Variants in CFAP91 observed in about 807,000 individuals in gnomAD.
The protein encoded by CFAP91 is cilia and flagella associated protein 91, also known as cilia- and flagella-associated protein 91.
In CFAP91, 85 loss-of-function variants were observed where a neutral mutation model predicts 95.9. That is an observed-to-expected ratio of 0.89 (90% CI 0.74 to 1.06). CFAP91 has a LOEUF of 1.06. CFAP91 is among the 50% of genes least tolerant of loss of function. The pLI, the probability that CFAP91 is intolerant of heterozygous loss-of-function variation, is 0.00. For synonymous variants in CFAP91, 335 were observed against 327.5 expected, an observed-to-expected ratio of 1.02 and a Z score of -0.25; for missense variants, 962 against 943.4, an observed-to-expected ratio of 1.02 and a Z score of -0.26.
At chr3:119,724,317 G>A (rs2107876259) in intron 6 of CFAP91, among the ~76,000 whole-genome samples, 1 of 152,228 alleles carries the variant, frequency 6.6e-6, no homozygotes, top group Non-Finnish European at 1.5e-5. Flanking sequence ...TTTACTTGGG[G>A]AAATGGGAGA....
chr3:119,720,661 T>G (rs945105075), intron 6 of CFAP91, among the ~76,000 whole-genome samples: 8 of 152,204 alleles, frequency 5.3e-5, no homozygotes, highest in African/African-American at 1.9e-4. Flanking sequence ...AATTTATTCA[T>G]TTTATGAGAC....
At chr3:119,743,297 T>C (rs1363211039) in intron 13 of CFAP91, among the ~76,000 whole-genome samples, 4 of 152,090 alleles carry the variant, frequency 2.6e-5, no homozygotes, top group African/African-American at 9.7e-5. Context: ...TTTGTATTTT[T>C]AGTAAAGACG....
In CFAP91 at chr3:119,740,634, A is replaced by G; in HGVS notation, c.1619A>G (p.Lys540Arg). 3 of 1,614,258 alleles carry G rather than the reference A, an allele frequency of 1.9e-6. No individual in the cohort carries two copies. The highest frequency in any genetic ancestry group is 2.5e-6 in the Non-Finnish European group (3 of 1,180,044). ...HALQEDEKLV[K>R]KAEKQVTLAL... ...CTACAAGAAGATGAAAAGCTGGTGA[A>G]AAAAGCCGAGAAGCAAGTGACCCTG... The change falls in exon 13 of 18, where the codon AAA becomes AGA. Residue 540 changes from lysine (K) to arginine (R), a missense_variant. Transcript: ENST00000273390.
At chr3:119,763,416 C>T (rs928856614) in intron 17 of CFAP91, among the ~76,000 whole-genome samples, 5 of 151,746 alleles carry the variant, frequency 3.3e-5, no homozygotes, top group South Asian at 4.1e-4. Flanking sequence ...TGGAGGTCCT[C>T]AAAAAATAAA....
At chr3:119,716,880 G>T (rs1031375070) in intron 6 of CFAP91, among the ~76,000 whole-genome samples, 1 of 152,072 alleles carries the variant, frequency 6.6e-6, no homozygotes, top group Non-Finnish European at 1.5e-5. Flanking sequence ...TTGAGCTACC[G>T]CACCTGGCCC....
intron 14 of CFAP91, among the ~76,000 whole-genome samples, chr3:119,746,383 T>C (rs1295214190): frequency 6.6e-6 from 1 of 152,238 alleles, no homozygotes; most frequent in African/African-American, 2.4e-5. Flanking sequence ...TTTCATGATT[T>C]CAAGTAAACT....
intron 17 of CFAP91, among the ~76,000 whole-genome samples, chr3:119,759,708 G>T (rs2054499286): frequency 6.6e-6 from 1 of 151,920 alleles, no homozygotes; most frequent in Non-Finnish European, 1.5e-5. Flanking sequence ...AGCATAAAAA[G>T]ATGTAAATTA....
intron 10 of CFAP91, 57 bp downstream of exon 10, chr3:119,733,563 C>A: frequency 6.4e-7 from 1 of 1,562,774 alleles, no homozygotes; most frequent in Non-Finnish European, 8.7e-7. Context: ...CAGATAAATG[C>A]TACACTCCAA....
intron 17 of CFAP91, among the ~76,000 whole-genome samples, chr3:119,754,198 C>A (rs1374521078): frequency 6.6e-6 from 1 of 152,142 alleles, no homozygotes; most frequent in African/African-American, 2.4e-5. Flanking sequence ...AAAGGTGACC[C>A]TTATTATAAA....
intron 11 of CFAP91, among the ~76,000 whole-genome samples, chr3:119,738,330 G>GTTTTTTTTTTTTT (rs1559761130): frequency 3.8e-4 from 9 of 23,702 alleles, no homozygotes; most frequent in Non-Finnish European, 9.7e-4. Flanking sequence ...TTGACATATT[G>GTTTTTTTTTTTTT]TCTTTTTTTT....
chr3:119,712,682 C>T (rs757173479), intron 5 of CFAP91, among the ~76,000 whole-genome samples: 26 of 152,238 alleles, frequency 1.7e-4, no homozygotes, highest in South Asian at 2.1e-4. Context: ...AGCCCGTGTG[C>T]GGTGGCTCAG....
chr3:119,739,695 A>G (rs1208298301), intron 12 of CFAP91, among the ~76,000 whole-genome samples: 1 of 152,218 alleles, frequency 6.6e-6, no homozygotes, highest in African/African-American at 2.4e-5. Flanking sequence ...CCACAGTCAT[A>G]ATACAATTAT....
Position 119,753,797 on chromosome 3 carries a change from T to C in CFAP91, c.*1+2699T>C, listed in dbSNP as rs377297841. Among the ~76,000 whole-genome samples the C allele has an allele frequency of 1.8e-4, 28 of 152,316 alleles. No homozygotes were observed. The East Asian group carries it at 1.9e-3, about 10-fold the overall frequency. On this transcript the variant is annotated intron_variant, in intron 17 of 17. Coordinates refer to ENST00000273390, the MANE Select transcript of CFAP91 (RefSeq NM_033364.4). ...ACACTGCACCATATTTATAGTCTTT[T>C]ATCCCTCATCCCCTTCCCACTCTTC...
intron 14 of CFAP91, 27 bp downstream of exon 14, chr3:119,744,223 A>ACCC: frequency 1.3e-6 from 2 of 1,568,862 alleles, no homozygotes; most frequent in African/African-American, 2.7e-5. Context: ...GGGTGTGTGG[A>ACCC]AGCTGCCTAG....
At chr3:119,763,644 T>C (rs1004784208) in intron 17 of CFAP91, among the ~76,000 whole-genome samples, 1 of 151,532 alleles carries the variant, frequency 6.6e-6, no homozygotes, top group African/African-American at 2.4e-5. Context: ...GGAAATCCTG[T>C]CATTTGCAGC....
chr3:119,730,188 A>G (rs759220288), intron 7 of CFAP91, 32 bp from the exon 8 acceptor site: 40 of 1,603,826 alleles, frequency 2.5e-5, no homozygotes, highest in Admixed American at 3.4e-5. Flanking sequence ...GAGATGCCAT[A>G]TGCTTCTTTA....
At position 119,708,634 on chromosome 3, in the gene CFAP91, C is replaced by T. The variant is rs535894482; in HGVS notation, c.403C>T (p.Pro135Ser). 2 of 1,605,978 alleles carry T rather than the reference C, an allele frequency of 1.2e-6. No individual in the cohort carries two copies. Among genetic ancestry groups the T allele is most frequent in the South Asian group, 2.2e-5 (2 of 89,328 alleles). The change falls in exon 4 of 18, where the codon CCT becomes TCT. Residue 135 changes from proline (P) to serine (S), a missense_variant. By Grantham distance (74) the Pro-to-Ser change is moderately conservative. Transcript: ENST00000273390. ...GATGCCTAAAGAAGTTTATGAAGAT[C>T]CTGAAGTTACTGGAAAGAATCGCTA... ...FQMPKEVYED[P>S]EVTGKNRYKY...
At position 119,708,746 on chromosome 3, in the gene CFAP91, G is replaced by C; in HGVS notation, c.443+72G>C. 4.3e-6 allele frequency: 4 copies of C among 934,894 alleles called. No individual in the cohort carries two copies. In the South Asian group the frequency reaches 6.2e-5, roughly 14 times the overall value. 57.9% of individuals were successfully genotyped at this position (934,894 alleles called of 1,614,324 possible). On this transcript the variant is annotated intron_variant, in intron 4 of 17. Transcript: ENST00000273390. ...GAACCTCTTTATGATAATAATAATA[G>C]TTATCATTTTTCAGTGCATACAACG...
In CFAP91 at chr3:119,733,526, G is replaced by A; in HGVS notation, c.1344+20G>A. On this transcript the variant is annotated intron_variant, in intron 10 of 17. Coordinates refer to ENST00000273390, the MANE Select transcript of CFAP91 (RefSeq NM_033364.4). ...CATAAGGTATAATCATTATCTGGAGGACAAAATGCTTCTAGTATGATTTTT... is the reference window on the plus strand; with the variant it reads ...CATAAGGTATAATCATTATCTGGAGAACAAAATGCTTCTAGTATGATTTTT... 6.2e-7 allele frequency: 1 copy of A among 1,600,340 alleles called. No homozygotes were observed. Among genetic ancestry groups the A allele is most frequent in the East Asian group, 2.2e-5 (1 of 44,778 alleles).
Sources: allele counts gnomAD v4.1 joint callset (sites outside exome capture counted in the v4.1 genomes callset), GRCh38; gene constraint gnomAD v4.1.1; transcripts MANE v1.5; gene names NCBI Gene and HGNC (gene_info 2026-07-23, HGNC 2026-07-21).